ASAP1: variants seen among roughly 807,000 people sequenced by gnomAD.
The protein encoded by ASAP1 is ArfGAP with SH3 domain, ankyrin repeat and PH domain 1.
Under a neutral mutation model 145.2 loss-of-function variants are expected in ASAP1, and 43 were observed. That is an observed-to-expected ratio of 0.30 (90% confidence interval 0.23 to 0.38). The LOEUF is 0.38. ASAP1 is among the 10% of genes least tolerant of loss of function. The probability of loss-of-function intolerance (pLI) is 1.00; values close to 1 mark genes in which losing one functional copy is unlikely to be tolerated. For missense variants in ASAP1, 1,018 were observed against 1,355.3 expected (o/e 0.75, Z 3.91); for synonymous variants, 546 against 515.5 (o/e 1.06, Z -0.80).
At chr8:130,111,976 C>T (rs535701693) in intron 24 of ASAP1, 118 bp downstream of exon 24, 137 of 973,048 alleles carry the variant, frequency 1.4e-4, no homozygotes, top group East Asian at 2.7e-4. Context: ...CAACACGATC[C>T]GCGCCACTCA....
chr8:130,278,575 T>C (rs1321388011), intron 3 of ASAP1, among the ~76,000 whole-genome samples: 1 of 152,222 alleles, frequency 6.6e-6, no homozygotes, highest in African/African-American at 2.4e-5. Flanking sequence ...TAAGCCTTTC[T>C]CTTTTTTTCC....
chr8:130,288,972 G>T (rs910697720), intron 3 of ASAP1, among the ~76,000 whole-genome samples: 2 of 152,174 alleles, frequency 1.3e-5, no homozygotes, highest in African/African-American at 4.8e-5. Context: ...GGATCACGAG[G>T]TCGGGAGACC....
chr8:130,365,887 G>T (rs1282830156), intron 2 of ASAP1, among the ~76,000 whole-genome samples: 1 of 152,214 alleles, frequency 6.6e-6, no homozygotes, highest in Non-Finnish European at 1.5e-5. Flanking sequence ...GAGAGATCCA[G>T]AAGAGAGTAA....
intron 12 of ASAP1, among the ~76,000 whole-genome samples, chr8:130,154,120 G>A (rs2097653250): frequency 6.6e-6 from 1 of 152,198 alleles, no homozygotes; most frequent in African/African-American, 2.4e-5. Flanking sequence ...TACAGGACAA[G>A]CTTAGCCAGG....
chr8:130,364,548 A>AT (rs1826861858), intron 2 of ASAP1, among the ~76,000 whole-genome samples: 1 of 152,178 alleles, frequency 6.6e-6, no homozygotes, highest in Non-Finnish European at 1.5e-5. Flanking sequence ...TATCAAAGAC[A>AT]ATGGATGAGT....
intron 24 of ASAP1, among the ~76,000 whole-genome samples, chr8:130,107,473 C>T (rs1316235968): frequency 3.3e-5 from 5 of 151,280 alleles, no homozygotes; most frequent in Non-Finnish European, 7.4e-5. Context: ...GTGTGAGCCA[C>T]CATGCCCGGC....
At chr8:130,214,205 A>T (rs1048902912) in intron 5 of ASAP1, among the ~76,000 whole-genome samples, 1 of 152,206 alleles carries the variant, frequency 6.6e-6, no homozygotes, top group Non-Finnish European at 1.5e-5. Flanking sequence ...GCCAATTAAA[A>T]AGCAAAAGTT....
intron 3 of ASAP1, among the ~76,000 whole-genome samples, chr8:130,318,280 C>T (rs1272445482): frequency 1.3e-5 from 2 of 152,152 alleles, no homozygotes; most frequent in Admixed American, 1.3e-4. Flanking sequence ...CAGGGTTTCA[C>T]TATGTTGCCC....
chr8:130,393,732 G>C (rs1366157284), intron 2 of ASAP1, among the ~76,000 whole-genome samples: 3 of 152,188 alleles, frequency 2.0e-5, no homozygotes, highest in African/African-American at 7.2e-5. Flanking sequence ...CTCCAGACTG[G>C]GTGACAGAGC....
intron 4 of ASAP1, among the ~76,000 whole-genome samples, chr8:130,229,076 A>C (rs1459143291): frequency 6.6e-6 from 1 of 152,198 alleles, no homozygotes; most frequent in Admixed American, 6.5e-5. Flanking sequence ...ATCCTCTATC[A>C]ACCTCTAAAT....
intron 27 of ASAP1, among the ~76,000 whole-genome samples, chr8:130,072,831 G>GCACGCGCA (rs58907739): frequency 9.0e-6 from 1 of 110,706 alleles, no homozygotes; most frequent in East Asian, 2.2e-4. Context: ...GTGTGCGCGC[G>GCACGCGCA]GGGGGGGGCA....
intron 7 of ASAP1, among the ~76,000 whole-genome samples, chr8:130,186,408 A>C (rs1814733520): frequency 6.6e-6 from 1 of 152,054 alleles, no homozygotes; most frequent in African/African-American, 2.4e-5. Flanking sequence ...GAAATGTTTT[A>C]TTCTCTTATG....
intron 15 of ASAP1, among the ~76,000 whole-genome samples, chr8:130,131,770 C>A (rs946074897): frequency 2.6e-5 from 4 of 152,158 alleles, no homozygotes; most frequent in African/African-American, 9.7e-5. Flanking sequence ...TGCACTCCAG[C>A]ATGTGTGACA....
At chr8:130,388,066 T>C (rs1828105389) in intron 2 of ASAP1, among the ~76,000 whole-genome samples, 1 of 152,190 alleles carries the variant, frequency 6.6e-6, no homozygotes, top group Non-Finnish European at 1.5e-5. Flanking sequence ...ACATAGCATT[T>C]AAGCTGAGAC....
In ASAP1 at chr8:130,358,482, CGCGGGGGTCTGG is replaced by C. The variant is rs1354355841; in HGVS notation, c.60-351_60-340del. Among the ~76,000 whole-genome samples, 1 of 148,210 alleles carries C rather than the reference CGCGGGGGTCTGG, an allele frequency of 6.7e-6. No individual in the cohort carries two copies. The highest frequency in any genetic ancestry group is 1.5e-5 in the Non-Finnish European group (1 of 66,438). ...GGGACGCGGCTGCGCGCGGGGTCTT[CGCGGGGGTCTGG>C]GCTCCGGCCGGCCGCTGGGGCGTGC... On this transcript the variant is annotated intron_variant, in intron 2 of 29. Coordinates refer to ENST00000518721, the MANE Select transcript of ASAP1 (RefSeq NM_018482.4). The surrounding 1 kb of genome is among the most constrained non-coding windows in gnomAD (Gnocchi z 4.1).
chr8:130,121,153 C>T (rs2135681700), intron 18 of ASAP1, among the ~76,000 whole-genome samples: 1 of 152,248 alleles, frequency 6.6e-6, no homozygotes, highest in East Asian at 1.9e-4. Context: ...TCATTGCTAC[C>T]ACCTTTGTCC....
chr8:130,078,357 C>T (rs892188315), intron 26 of ASAP1, among the ~76,000 whole-genome samples: 6 of 152,062 alleles, frequency 3.9e-5, no homozygotes, highest in Middle Eastern at 6.8e-3. Context: ...TGCAGAGGTG[C>T]GATCATGACT....
chr8:130,120,449 C>T (rs1232068791), intron 18 of ASAP1, among the ~76,000 whole-genome samples: 1 of 152,174 alleles, frequency 6.6e-6, no homozygotes, highest in Non-Finnish European at 1.5e-5. Context: ...ATCATAGCTG[C>T]CTTCCAAGGA....
chr8:130,318,136 T>C (rs141906386), intron 3 of ASAP1, among the ~76,000 whole-genome samples: 122 of 152,318 alleles, frequency 8.0e-4, no homozygotes, highest in Non-Finnish European at 1.3e-3. Context: ...CACTGTAACA[T>C]AGTGATGCAG....
Sources: gnomAD v4.1 joint callset for allele counts (sites outside exome capture counted in the v4.1 genomes callset) on GRCh38, gnomAD v4.1.1 for gene constraint, Gnocchi (gnomAD v3.1) non-coding constraint, MANE v1.5 for transcripts, NCBI Gene and HGNC (gene_info 2026-07-23, HGNC 2026-07-21) for gene names.